MTOR: variants seen among roughly 807,000 people sequenced by gnomAD.
The protein encoded by MTOR is serine/threonine-protein kinase mTOR.
MTOR carries 70 observed loss-of-function variants against 319.8 expected under a neutral mutation model. The observed-to-expected ratio is 0.22, with a 90% CI of 0.18 to 0.27. The LOEUF is 0.27. MTOR is among the 10% of genes least tolerant of loss of function. The pLI is 1.00. For synonymous variants in MTOR, 1,183 were observed against 1,211.4 expected, an observed-to-expected ratio of 0.98 and a Z score of 0.49; for missense variants, 1,890 against 3,274.4, an observed-to-expected ratio of 0.58 and a Z score of 10.32.
intron 34 of MTOR, among the ~76,000 whole-genome samples, chr1:11,140,648 C>T (rs1643653840): frequency 6.6e-6 from 1 of 152,156 alleles, no homozygotes; most frequent in African/African-American, 2.4e-5. Flanking sequence ...TTGGGCAAAT[C>T]ACTTAACCTC....
intron 9 of MTOR, 22 bp downstream of exon 9, chr1:11,243,092 A>G: frequency 6.2e-7 from 1 of 1,612,330 alleles, no homozygotes; most frequent in Non-Finnish European, 8.5e-7. Flanking sequence ...GTGGAAGGTG[A>G]AATCATAACA....
chr1:11,185,300 G>A (rs1275545133), intron 28 of MTOR, among the ~76,000 whole-genome samples: 1 of 151,000 alleles, frequency 6.6e-6, no homozygotes, highest in Non-Finnish European at 1.5e-5. Flanking sequence ...CTCTGGCCAG[G>A]TGTGGTGGCT....
rs146029394 is a variant in MTOR, at chr1:11,189,820, G to A, written c.4253+9438C>T. ...GGACTGGGTCAGCGTGGTCATGCAG[G>A]TGATGGAGCTGGAGAGCAACAGCAA... On this transcript the variant is annotated intron_variant, in intron 28 of 57. Coordinates refer to ENST00000361445, the MANE Select transcript of MTOR (RefSeq NM_004958.4). 5 of 1,614,210 alleles carry A rather than the reference G, an allele frequency of 3.1e-6. No individual in the cohort carries two copies. The Admixed American group carries it at 6.7e-5, about 22-fold the overall frequency.
In MTOR at chr1:11,113,022, T is replaced by C; in HGVS notation, c.7301-105A>G. 10 of 1,220,816 alleles carry C rather than the reference T, an allele frequency of 8.2e-6. No homozygotes were observed. The South Asian group carries it at 9.2e-5, about 11-fold the overall frequency. 75.6% of individuals were successfully genotyped at this position (1,220,816 alleles called of 1,614,324 possible). ...AAAAATATAATTGTTCGTAAAGCTA[T>C]AGCCCCAAAAAAAGAGATGACAGAC... On this transcript the variant is annotated intron_variant, in intron 53 of 57. Transcript: ENST00000361445.
intron 19 of MTOR, among the ~76,000 whole-genome samples, chr1:11,227,932 G>T (rs562315552): frequency 5.9e-5 from 9 of 152,190 alleles, no homozygotes; most frequent in Non-Finnish European, 1.3e-4. Context: ...GGAGAGATCG[G>T]ATAAACACCT....
At chr1:11,262,267 G>C (rs1229830458) in intron 1 of MTOR, among the ~76,000 whole-genome samples, 178 bp downstream of exon 1, 1 of 152,240 alleles carries the variant, frequency 6.6e-6, no homozygotes, top group Non-Finnish European at 1.5e-5. Context: ...CCGGGGAGGT[G>C]GGCGTTGCCT....
intron 28 of MTOR, chr1:11,194,629 T>A: frequency 6.2e-7 from 1 of 1,614,162 alleles, no homozygotes. Context: ...CAATGACAAC[T>A]GCTTGGACAA....
intron 29 of MTOR, among the ~76,000 whole-genome samples, chr1:11,162,118 T>A (rs1644495367): frequency 6.6e-6 from 1 of 152,154 alleles, no homozygotes; most frequent in Non-Finnish European, 1.5e-5. Flanking sequence ...AACCATGGCA[T>A]GAGAACTACG....
intron 28 of MTOR, chr1:11,194,465 G>T: frequency 1.2e-6 from 2 of 1,613,882 alleles, no homozygotes; most frequent in Non-Finnish European, 1.7e-6. Flanking sequence ...TGACAGGACT[G>T]GGAGGGCAAC....
Position 11,145,197 on chromosome 1 carries a change from T to C in MTOR, c.4687-152A>G. 3 of 659,942 alleles carry C rather than the reference T, an allele frequency of 4.5e-6. No homozygotes were observed. The South Asian group carries it at 5.6e-5, about 12-fold the overall frequency. The allele number at this position is 659,942 out of a possible 1,614,324, so 40.9% of individuals were successfully genotyped here. Reference sequence around the variant, plus strand: ...CTGAAGAAGGGCATTTTCCCAGAACTGAATGGCTTGAGAGGAGGTATTATC... The same window carrying C: ...CTGAAGAAGGGCATTTTCCCAGAACCGAATGGCTTGAGAGGAGGTATTATC... On this transcript the variant is annotated intron_variant, in intron 32 of 57. Transcript: ENST00000361445.
intron 28 of MTOR, chr1:11,189,803 T>C: frequency 6.2e-7 from 1 of 1,614,168 alleles, no homozygotes; most frequent in South Asian, 1.1e-5. Flanking sequence ...AGGGACTGGG[T>C]CAGCGTGGTC....
chr1:11,149,789 G>C (rs779485757), intron 31 of MTOR, among the ~76,000 whole-genome samples: 1 of 150,884 alleles, frequency 6.6e-6, no homozygotes, highest in Non-Finnish European at 1.5e-5. Context: ...GGTGTCTGCT[G>C]ACAATGGCTT....
intron 53 of MTOR, 108 bp from the exon 54 acceptor site, chr1:11,113,025 C>A: frequency 1.7e-6 from 2 of 1,201,366 alleles, no homozygotes; most frequent in Non-Finnish European, 2.4e-6. Flanking sequence ...AAAGCTATAG[C>A]CCCAAAAAAA....
At chr1:11,144,570 G>C (rs1261834884) in intron 34 of MTOR, 78 bp downstream of exon 34, 17 of 1,230,742 alleles carry the variant, frequency 1.4e-5, no homozygotes, top group Non-Finnish European at 1.8e-5. Context: ...GTAAGAGCCA[G>C]GGTGGAGGGG....
At chr1:11,189,979 G>T in intron 28 of MTOR, 2 of 1,580,524 alleles carry the variant, frequency 1.3e-6, no homozygotes, top group South Asian at 2.4e-5. Flanking sequence ...TCCCCTGAGG[G>T]AGCGTGGAGT....
At chr1:11,231,547 A>G in intron 16 of MTOR, 113 bp from the exon 17 acceptor site, 2 of 1,342,068 alleles carry the variant, frequency 1.5e-6, no homozygotes, top group Non-Finnish European at 2.0e-6. Context: ...AGAAGAAAAG[A>G]GGTTTCCAGT....
chr1:11,112,780 G>C, intron 54 of MTOR, 72 bp downstream of exon 54: 1 of 1,518,466 alleles, frequency 6.6e-7, no homozygotes, highest in Non-Finnish European at 9.1e-7. Flanking sequence ...CCCACCGACT[G>C]AAGCCCACCC....
chr1:11,134,998 T>C (rs918621386), intron 36 of MTOR, among the ~76,000 whole-genome samples: 7 of 152,224 alleles, frequency 4.6e-5, no homozygotes, highest in African/African-American at 1.7e-4. Context: ...AGGGAGAAGA[T>C]ATTAGCTCAG....
Position 11,137,252 on chromosome 1 carries a change from A to G in MTOR, c.5130+2052T>C, listed in dbSNP as rs577622994. Among the ~76,000 whole-genome samples the G allele has an allele frequency of 3.3e-5, 5 of 151,850 alleles. 1 individual carries two copies. The highest frequency in any genetic ancestry group is 1.2e-4 in the African/African-American group (5 of 41,416). Reference sequence around the variant, plus strand: ...AGTGTGATCATTGCATACGTCACGCAGGTAGGAGCTAAACTAGGAACTCTG... The same window carrying G: ...AGTGTGATCATTGCATACGTCACGCGGGTAGGAGCTAAACTAGGAACTCTG... On this transcript the variant is annotated intron_variant, in intron 36 of 57. Coordinates refer to ENST00000361445, the MANE Select transcript of MTOR (RefSeq NM_004958.4).
Sources: allele counts gnomAD v4.1 joint callset (sites outside exome capture counted in the v4.1 genomes callset), GRCh38; gene constraint gnomAD v4.1.1; transcripts MANE v1.5; gene names NCBI Gene and HGNC (gene_info 2026-07-23, HGNC 2026-07-21).